Variants in PCDH9 observed in about 807,000 individuals in gnomAD.
The protein encoded by PCDH9 is protocadherin-9.
In PCDH9, 24 loss-of-function variants were observed where a neutral mutation model predicts 70.6. The ratio of observed to expected loss-of-function variants is 0.34; its 90% CI spans 0.25 to 0.48. PCDH9 has a LOEUF of 0.48. Ranked by LOEUF, PCDH9 falls within the 20% of genes least tolerant of loss-of-function variation. The pLI, the probability that PCDH9 is intolerant of heterozygous loss-of-function variation, is 0.99. For synonymous variants in PCDH9, 562 were observed against 558.5 expected, an observed-to-expected ratio of 1.01 and a Z score of -0.09; for missense variants, 1,281 against 1,503.6, an observed-to-expected ratio of 0.85 and a Z score of 2.45.
At chr13:67,216,385 A>G (rs897456549) in intron 2 of PCDH9, 4 of 151,956 alleles carry the variant, frequency 2.6e-5, no homozygotes, top group Non-Finnish European at 5.9e-5. Flanking sequence ...TACAATTTTG[A>G]TACCTATTTA....
chr13:66,325,904 C>T (rs1026059696), intron 4 of PCDH9, among the ~76,000 whole-genome samples: 1 of 152,120 alleles, frequency 6.6e-6, no homozygotes, highest in Admixed American at 6.5e-5. Context: ...TCATTACAAT[C>T]GTAATGAAGT....
intron 4 of PCDH9, among the ~76,000 whole-genome samples, chr13:66,503,259 C>T (rs1169575027): frequency 1.3e-5 from 2 of 152,092 alleles, no homozygotes; most frequent in Admixed American, 6.6e-5. Flanking sequence ...AATACATGTC[C>T]TTACCCTGGA....
intron 4 of PCDH9, among the ~76,000 whole-genome samples, chr13:66,347,761 T>C (rs1956234097): frequency 1.3e-5 from 2 of 152,166 alleles, no homozygotes; most frequent in Admixed American, 6.6e-5. Context: ...GCTGTGTCCA[T>C]TTGGCTAATT....
intron 4 of PCDH9, among the ~76,000 whole-genome samples, chr13:66,479,298 T>C (rs986748857): frequency 1.3e-5 from 2 of 152,236 alleles, no homozygotes; most frequent in African/African-American, 2.4e-5. Context: ...AGCAGATTAA[T>C]GTTTTCATGC....
intron 4 of PCDH9, among the ~76,000 whole-genome samples, chr13:66,401,125 A>G (rs1246832152): frequency 6.6e-6 from 1 of 152,182 alleles, no homozygotes; most frequent in African/African-American, 2.4e-5. Context: ...TAATCTTAGC[A>G]CTATTTGAGT....
At chr13:66,846,839 A>T (rs2081218962) in intron 3 of PCDH9, among the ~76,000 whole-genome samples, 1 of 151,690 alleles carries the variant, frequency 6.6e-6, no homozygotes, top group Admixed American at 6.6e-5. Flanking sequence ...AAGAGAACAA[A>T]ATCTTCCTCT....
At chr13:66,313,684 C>T (rs993838114) in intron 4 of PCDH9, among the ~76,000 whole-genome samples, 7 of 152,120 alleles carry the variant, frequency 4.6e-5, no homozygotes, top group African/African-American at 9.7e-5. Flanking sequence ...AAACTGATGA[C>T]GTTCATTTTC....
chr13:66,849,513 TATATAGAGAGAGAG>T lies in PCDH9; in HGVS notation c.3138+53977_3138+53990del, dbSNP rs1333585234. 3.1e-4 allele frequency among the ~76,000 whole-genome samples: 24 copies of T among 77,226 alleles called. 1 individual carries two copies. In the South Asian group the frequency reaches 0.013, roughly 42 times the overall value. 50.7% of individuals were successfully genotyped at this position (77,226 alleles called of 152,430 possible). A position where few individuals can be genotyped will look rare whatever the true frequency, so the allele number is the denominator to read the frequency against. ...ATATATATATATATATATATATATATATATAGAGAGAGAGAGAGAGAGAGAGAGAGAGATTGCAA... is the reference window on the plus strand; with the variant it reads ...ATATATATATATATATATATATATATAGAGAGAGAGAGAGAGAGATTGCAA... On this transcript the variant is annotated intron_variant, in intron 3 of 4. Coordinates refer to ENST00000377865, the MANE Select transcript of PCDH9 (RefSeq NM_203487.3).
At chr13:66,670,706 C>T (rs952051113) in intron 3 of PCDH9, among the ~76,000 whole-genome samples, 5 of 151,884 alleles carry the variant, frequency 3.3e-5, no homozygotes, top group Admixed American at 1.3e-4. Context: ...CATACATTCA[C>T]AGGTACTGAT....
At chr13:66,380,833 G>A (rs568729791) in intron 4 of PCDH9, among the ~76,000 whole-genome samples, 25 of 152,102 alleles carry the variant, frequency 1.6e-4, no homozygotes, top group Non-Finnish European at 3.2e-4. Context: ...GTGAGCCACC[G>A]CGCCAGCCAG....
At chr13:66,875,901 G>A (rs1594191511) in intron 3 of PCDH9, among the ~76,000 whole-genome samples, 1 of 152,186 alleles carries the variant, frequency 6.6e-6, no homozygotes, top group East Asian at 1.9e-4. Flanking sequence ...TACGTGTCAG[G>A]CAGCCTGTCA....
chr13:66,578,869 C>T (rs1246615384), intron 4 of PCDH9, among the ~76,000 whole-genome samples: 2 of 152,092 alleles, frequency 1.3e-5, no homozygotes, highest in East Asian at 3.9e-4. Flanking sequence ...GCCACACTTT[C>T]CTCTTCCTGT....
intron 2 of PCDH9, among the ~76,000 whole-genome samples, chr13:66,982,691 C>A (rs1042748879): frequency 4.6e-5 from 7 of 152,122 alleles, no homozygotes; most frequent in Non-Finnish European, 8.8e-5. Flanking sequence ...GGGTAGGACT[C>A]CCCTGAAACC....
chr13:66,880,056 T>C (rs1174566198), intron 3 of PCDH9: 1 of 152,016 alleles, frequency 6.6e-6, no homozygotes, highest in Non-Finnish European at 1.5e-5. Flanking sequence ...AAAGAAGATG[T>C]TTTTATGGAA....
At chr13:66,852,813 A>G (rs951036400) in intron 3 of PCDH9, among the ~76,000 whole-genome samples, 7 of 150,014 alleles carry the variant, frequency 4.7e-5, no homozygotes, top group Non-Finnish European at 8.8e-5. Flanking sequence ...TACCTGGGAT[A>G]CAGGTTACAA....
At chr13:66,888,692 G>C (rs970846529) in intron 3 of PCDH9, among the ~76,000 whole-genome samples, 1 of 151,864 alleles carries the variant, frequency 6.6e-6, no homozygotes, top group Non-Finnish European at 1.5e-5. Flanking sequence ...GAAAAGGCAG[G>C]GTTCAGAAAA....
chr13:66,533,997 G>T (rs1960581235), intron 4 of PCDH9, among the ~76,000 whole-genome samples: 1 of 152,034 alleles, frequency 6.6e-6, no homozygotes, highest in Non-Finnish European at 1.5e-5. Context: ...CACTTCCTTT[G>T]TTTTTATTCC....
At chr13:66,548,582 G>A (rs544136178) in intron 4 of PCDH9, among the ~76,000 whole-genome samples, 23 of 151,720 alleles carry the variant, frequency 1.5e-4, no homozygotes, top group African/African-American at 5.1e-4. Context: ...AAAATTAAAC[G>A]TTCAAAAACT....
chr13:66,399,620 A>G (rs1957155247), intron 4 of PCDH9, among the ~76,000 whole-genome samples: 1 of 152,134 alleles, frequency 6.6e-6, no homozygotes, highest in African/African-American at 2.4e-5. Flanking sequence ...AGGCATATTA[A>G]TAAGATCATT....
Sources: gnomAD v4.1 joint callset for allele counts (sites outside exome capture counted in the v4.1 genomes callset) on GRCh38, gnomAD v4.1.1 for gene constraint, MANE v1.5 for transcripts, NCBI Gene and HGNC (gene_info 2026-07-23, HGNC 2026-07-21) for gene names.